The following CELF2 variants were observed in gnomAD, a reference collection of about 807,000 sequenced individuals.
CELF2 encodes the protein CUG triplet repeat RNA-binding protein 2.
CELF2 carries 8 observed loss-of-function variants against 62.6 expected under a neutral mutation model. That is an observed-to-expected ratio of 0.13 (90% CI 0.07 to 0.23). The LOEUF (loss-of-function observed/expected upper bound fraction) is 0.23. Ranked by LOEUF, CELF2 falls within the 10% of genes least tolerant of loss-of-function variation. CELF2 has a pLI of 1.00. For synonymous variants in CELF2, 258 were observed against 250.0 expected (o/e 1.03, Z -0.30); for missense variants, 333 against 671.0 (o/e 0.50, Z 5.56).
At chr10:11,104,725 C>T (rs1260205864) in intron 1 of CELF2, among the ~76,000 whole-genome samples, 3 of 152,162 alleles carry the variant, frequency 2.0e-5, no homozygotes, top group African/African-American at 7.2e-5. Context: ...AAAATGTTCA[C>T]TAAATGCACT....
intron 1 of CELF2, among the ~76,000 whole-genome samples, chr10:10,865,977 T>G (rs113999893): frequency 6.6e-6 from 1 of 152,092 alleles, no homozygotes; most frequent in Non-Finnish European, 1.5e-5. Context: ...TTATAGTGTT[T>G]GTGAAGTAAC....
the CELF2 span, among the ~76,000 whole-genome samples, chr10:10,543,207 T>C: frequency 2.0e-5 from 3 of 152,186 alleles, no homozygotes; most frequent in Non-Finnish European, 4.4e-5. Context: ...AGAGAAATGG[T>C]TGGTCTCATT....
intron 1 of CELF2, among the ~76,000 whole-genome samples, chr10:10,832,093 C>T (rs895827737): frequency 1.3e-5 from 2 of 151,588 alleles, no homozygotes; most frequent in African/African-American, 2.4e-5. Flanking sequence ...CGTGGTAAAA[C>T]CCTGTATCTA....
At chr10:10,881,798 A>G (rs753921518) in intron 1 of CELF2, among the ~76,000 whole-genome samples, 1 of 152,176 alleles carries the variant, frequency 6.6e-6, no homozygotes, top group Non-Finnish European at 1.5e-5. Flanking sequence ...CATATGCCAG[A>G]CAAAACTGCC....
intron 1 of CELF2, among the ~76,000 whole-genome samples, chr10:11,118,709 A>G (rs150972788): frequency 0.012 from 1,816 of 152,260 alleles, 17 homozygotes; most frequent in Middle Eastern, 0.02. Flanking sequence ...TTGAAGAGAA[A>G]TGTTAAAGCA....
At chr10:11,241,691 C>A (rs1225120399) in intron 3 of CELF2, among the ~76,000 whole-genome samples, 1 of 151,972 alleles carries the variant, frequency 6.6e-6, no homozygotes, top group African/African-American at 2.4e-5. Flanking sequence ...TTTGATTATT[C>A]CCCATCTCTG....
At chr10:10,633,155 C>A in the CELF2 span, among the ~76,000 whole-genome samples, 1 of 152,080 alleles carries the variant, frequency 6.6e-6, no homozygotes, top group African/African-American at 2.4e-5. Flanking sequence ...TATGCTTAGA[C>A]CTAACTCATT....
chr10:10,971,155 T>C (rs1387856690), intron 2 of CELF2, among the ~76,000 whole-genome samples: 1 of 152,216 alleles, frequency 6.6e-6, no homozygotes, highest in Non-Finnish European at 1.5e-5. Context: ...TCTGCTTCTC[T>C]GGCTGCTCCT....
At chr10:10,830,852 T>C (rs1014525270) in intron 1 of CELF2, among the ~76,000 whole-genome samples, 1 of 152,232 alleles carries the variant, frequency 6.6e-6, no homozygotes. Flanking sequence ...ATTACAAAAC[T>C]GTGTTTTTAT....
the CELF2 span, among the ~76,000 whole-genome samples, chr10:10,593,586 T>G: frequency 4.6e-5 from 7 of 152,120 alleles, no homozygotes; most frequent in Non-Finnish European, 7.4e-5. Context: ...CAGGGAGGTG[T>G]GATAATATCA....
chr10:11,076,220 A>G (rs1194050018), intron 1 of CELF2, among the ~76,000 whole-genome samples: 1 of 152,034 alleles, frequency 6.6e-6, no homozygotes, highest in Non-Finnish European at 1.5e-5. Context: ...AATCAGGCCA[A>G]CTTTACTCCT....
the CELF2 span, among the ~76,000 whole-genome samples, chr10:10,572,317 T>C: frequency 6.6e-6 from 1 of 151,672 alleles, no homozygotes; most frequent in Non-Finnish European, 1.5e-5. Flanking sequence ...TGAAACAGTT[T>C]TTGTTCGGTT....
chr10:10,539,024 T>G, the CELF2 span, among the ~76,000 whole-genome samples: 67 of 152,386 alleles, frequency 4.4e-4, no homozygotes, highest in Non-Finnish European at 8.5e-4. Flanking sequence ...GTCAGATGGC[T>G]GCCCACAGAA....
chr10:11,165,830 C>T lies in CELF2; in HGVS notation c.271+148C>T. The T allele has an allele frequency of 1.4e-6, 1 of 731,752 alleles. No homozygotes were observed. The highest frequency in any genetic ancestry group is 2.8e-5 in the East Asian group (1 of 35,182). 45.3% of individuals were successfully genotyped at this position (731,752 alleles called of 1,614,324 possible). A position where few individuals can be genotyped will look rare whatever the true frequency, so the allele number is the denominator to read the frequency against. On this transcript the variant is annotated intron_variant, in intron 2 of 12. Transcript: ENST00000633077. This position sits in a 1 kb window ranked among gnomAD's most constrained non-coding sequence, Gnocchi z 7.4. Reference sequence around the variant, plus strand: ...GCTGGCGGCCCCTGTGCTCCAGGGGCTGCTCCCGACTCCTCCCCGCACCCC... The same window carrying T: ...GCTGGCGGCCCCTGTGCTCCAGGGGTTGCTCCCGACTCCTCCCCGCACCCC...
At chr10:10,507,371 T>G in the CELF2 span, among the ~76,000 whole-genome samples, 1 of 152,306 alleles carries the variant, frequency 6.6e-6, no homozygotes, top group South Asian at 2.1e-4. Flanking sequence ...TGTCACAGGA[T>G]TATTTGTTTT....
the CELF2 span, among the ~76,000 whole-genome samples, chr10:10,571,253 A>G: frequency 6.6e-6 from 1 of 152,198 alleles, no homozygotes; most frequent in East Asian, 1.9e-4. Context: ...AGCATTTACC[A>G]TCCACAGACA....
intron 1 of CELF2, among the ~76,000 whole-genome samples, chr10:11,036,349 C>T (rs1461363926): frequency 2.0e-5 from 3 of 152,160 alleles, no homozygotes; most frequent in South Asian, 2.1e-4. Flanking sequence ...TGCTTCCAGG[C>T]TTTAAATTGA....
intron 1 of CELF2, among the ~76,000 whole-genome samples, chr10:10,865,684 T>C (rs1213091702): frequency 1.3e-5 from 2 of 152,232 alleles, no homozygotes; most frequent in Non-Finnish European, 1.5e-5. Flanking sequence ...TGAAATCCTC[T>C]GAGGATTAGA....
chr10:10,511,839 C>T, the CELF2 span, among the ~76,000 whole-genome samples: 1 of 152,308 alleles, frequency 6.6e-6, no homozygotes, highest in South Asian at 2.1e-4. Flanking sequence ...ATATCAAGGC[C>T]TGCTACTCTT....
Sources: gnomAD v4.1 joint callset for allele counts (sites outside exome capture counted in the v4.1 genomes callset) on GRCh38, gnomAD v4.1.1 for gene constraint, Gnocchi (gnomAD v3.1) non-coding constraint, MANE v1.5 for transcripts, NCBI Gene and HGNC (gene_info 2026-07-23, HGNC 2026-07-21) for gene names.